Variants in MBOAT2 observed in about 807,000 individuals in gnomAD.
MBOAT2 encodes membrane bound glycerophospholipid O-acyltransferase 2, also known as membrane-bound glycerophospholipid O-acyltransferase 2.
Under a neutral mutation model 63.4 loss-of-function variants are expected in MBOAT2, and 28 were observed. That is an observed-to-expected ratio of 0.44 (90% CI 0.33 to 0.61). The LOEUF (loss-of-function observed/expected upper bound fraction) is 0.61, where lower values mean the gene tolerates loss of function less well. MBOAT2 is among the 20% of genes least tolerant of loss of function. The pLI, the probability that MBOAT2 is intolerant of heterozygous loss-of-function variation, is 0.03. For missense variants in MBOAT2, 470 were observed against 605.8 expected, an observed-to-expected ratio of 0.78 and a Z score of 2.35; for synonymous variants, 211 against 215.6, an observed-to-expected ratio of 0.98 and a Z score of 0.19.
At chr2:8,979,276 A>G (rs549388723) in intron 1 of MBOAT2, among the ~76,000 whole-genome samples, 1 of 152,282 alleles carries the variant, frequency 6.6e-6, no homozygotes, top group East Asian at 1.9e-4. Context: ...TGCCTTTGGG[A>G]TATTTAACCA....
intron 4 of MBOAT2, among the ~76,000 whole-genome samples, chr2:8,903,083 T>C (rs183364974): frequency 6.6e-6 from 1 of 152,224 alleles, no homozygotes; most frequent in African/African-American, 2.4e-5. Flanking sequence ...GACACAAAAG[T>C]TCTCCAAGTC....
At chr2:8,872,651 T>C (rs1214991294) in intron 8 of MBOAT2, among the ~76,000 whole-genome samples, 3 of 152,226 alleles carry the variant, frequency 2.0e-5, no homozygotes, top group Non-Finnish European at 2.9e-5. Context: ...CAAGCATAAC[T>C]GATGACCCCC....
At chr2:8,888,350 T>C (rs1329285523) in intron 4 of MBOAT2, among the ~76,000 whole-genome samples, 2 of 152,200 alleles carry the variant, frequency 1.3e-5, no homozygotes, top group African/African-American at 4.8e-5. Context: ...CCCAGTGATC[T>C]AACCTGGCCT....
intron 3 of MBOAT2, among the ~76,000 whole-genome samples, chr2:8,922,281 A>C (rs1469775232): frequency 6.6e-6 from 1 of 152,068 alleles, no homozygotes; most frequent in Non-Finnish European, 1.5e-5. Context: ...TCCTTATCTT[A>C]ATTCTTTAAA....
chr2:8,894,764 C>T (rs1389236101), intron 4 of MBOAT2, among the ~76,000 whole-genome samples: 2 of 152,180 alleles, frequency 1.3e-5, no homozygotes, highest in Non-Finnish European at 2.9e-5. Flanking sequence ...GATGTTCAGA[C>T]GTGTCCAGAA....
intron 3 of MBOAT2, among the ~76,000 whole-genome samples, chr2:8,925,467 G>A (rs1033577485): frequency 1.1e-4 from 17 of 152,222 alleles, no homozygotes; most frequent in African/African-American, 4.1e-4. Flanking sequence ...ACCAGTAAGT[G>A]GGAAAAGGAT....
chr2:8,943,768 T>C (rs1226219814), intron 2 of MBOAT2, among the ~76,000 whole-genome samples: 1 of 152,218 alleles, frequency 6.6e-6, no homozygotes, highest in Non-Finnish European at 1.5e-5. Flanking sequence ...CTCTTCTCAA[T>C]ACATGATGGC....
rs976074579 is a variant in MBOAT2, at chr2:8,950,060, A to AT, written c.222-6797dup. Among the ~76,000 whole-genome samples, 72 of 150,910 alleles carry AT rather than the reference A, an allele frequency of 4.8e-4. 1 individual carries two copies. Among genetic ancestry groups the AT allele is most frequent in the Middle Eastern group, 3.4e-3 (1 of 292 alleles). ...TCCCTAGTTAGATGTATTCCTAGGT[A>AT]TTTTTTTTTCTGTGTGGCTATTGCA... On this transcript the variant is annotated intron_variant, in intron 2 of 12. Coordinates refer to ENST00000305997, the MANE Select transcript of MBOAT2 (RefSeq NM_138799.4).
chr2:8,947,716 T>G (rs1458644425), intron 2 of MBOAT2, among the ~76,000 whole-genome samples: 3 of 152,214 alleles, frequency 2.0e-5, no homozygotes. Context: ...ATAAGCCCCT[T>G]GTCGAGATCC....
intron 2 of MBOAT2, among the ~76,000 whole-genome samples, chr2:8,944,099 G>A (rs926943951): frequency 2.2e-4 from 33 of 152,094 alleles, no homozygotes; most frequent in Admixed American, 2.1e-3. Flanking sequence ...TCCTGACCTC[G>A]TGATCTGCCC....
At chr2:8,920,949 T>C (rs1284531677) in intron 3 of MBOAT2, among the ~76,000 whole-genome samples, 2 of 152,198 alleles carry the variant, frequency 1.3e-5, no homozygotes, top group Non-Finnish European at 2.9e-5. Flanking sequence ...TCTGTTTGCA[T>C]GGCTTACATC....
In MBOAT2 at chr2:8,887,895, T is replaced by G; in HGVS notation, c.451+123A>C. On this transcript the variant is annotated intron_variant, in intron 5 of 12. Transcript: ENST00000305997. ...ATAATCCTAAGCACAGTTAAGTATA[T>G]TTCCCTATCTTACCTCCCTCCATTT... 3 of 874,772 alleles carry G rather than the reference T, an allele frequency of 3.4e-6. No homozygotes were observed. In the South Asian group the frequency reaches 4.1e-5, roughly 12 times the overall value. The allele number at this position is 874,772 out of a possible 1,614,324, so 54.2% of individuals were successfully genotyped here. A position where few individuals can be genotyped will look rare whatever the true frequency, so the allele number is the denominator to read the frequency against.
At chr2:8,911,822 C>G (rs1383181206) in intron 3 of MBOAT2, among the ~76,000 whole-genome samples, 1 of 152,080 alleles carries the variant, frequency 6.6e-6, no homozygotes, top group Non-Finnish European at 1.5e-5. Flanking sequence ...GAACCCCAAG[C>G]CAAATAAACC....
At chr2:8,859,273 G>A (rs1383421123) in intron 12 of MBOAT2, among the ~76,000 whole-genome samples, 1 of 152,130 alleles carries the variant, frequency 6.6e-6, no homozygotes, top group Non-Finnish European at 1.5e-5. Flanking sequence ...AGAAAATGTG[G>A]AGATAGTTAA....
intron 9 of MBOAT2, among the ~76,000 whole-genome samples, chr2:8,864,790 T>C (rs1483385781): frequency 6.6e-6 from 1 of 152,144 alleles, no homozygotes; most frequent in African/African-American, 2.4e-5. Flanking sequence ...TTACTCCCAC[T>C]AAAGCTATTC....
intron 3 of MBOAT2, among the ~76,000 whole-genome samples, chr2:8,914,514 T>C (rs1666010554): frequency 6.6e-6 from 1 of 151,966 alleles, no homozygotes; most frequent in Admixed American, 6.6e-5. Flanking sequence ...AATGAAAGTG[T>C]TTTGTGAGAA....
At chr2:8,957,988 C>T (rs558852536) in intron 2 of MBOAT2, among the ~76,000 whole-genome samples, 34 of 152,196 alleles carry the variant, frequency 2.2e-4, no homozygotes, top group African/African-American at 7.7e-4. Context: ...TTTGAAAAGT[C>T]AGAAATAAAA....
chr2:8,989,357 G>A (rs1051703761), intron 1 of MBOAT2, among the ~76,000 whole-genome samples: 1 of 152,148 alleles, frequency 6.6e-6, no homozygotes, highest in African/African-American at 2.4e-5. Flanking sequence ...GGCTCAACAG[G>A]ATAATTTATG....
intron 4 of MBOAT2, among the ~76,000 whole-genome samples, chr2:8,900,573 G>A (rs1054464151): frequency 6.6e-6 from 1 of 152,134 alleles, no homozygotes; most frequent in Non-Finnish European, 1.5e-5. Context: ...TAACCTGGGG[G>A]GTTTTGTGGT....
Sources: gnomAD v4.1 joint callset for allele counts (sites outside exome capture counted in the v4.1 genomes callset) on GRCh38, gnomAD v4.1.1 for gene constraint, MANE v1.5 for transcripts, NCBI Gene and HGNC (gene_info 2026-07-23, HGNC 2026-07-21) for gene names.